The following DPH6 variants were observed in gnomAD, a reference collection of about 807,000 sequenced individuals.
The protein encoded by DPH6 is diphthamine biosynthesis 6.
A neutral mutation model predicts 38.2 loss-of-function variants in DPH6; 33 were observed. The observed-to-expected ratio is 0.86, with a 90% confidence interval of 0.65 to 1.15. DPH6 has a LOEUF of 1.15. DPH6 is among the 50% of genes most tolerant of loss of function. The pLI is 0.00. For missense variants in DPH6, 325 were observed against 320.0 expected, an observed-to-expected ratio of 1.02 and a Z score of -0.12; for synonymous variants, 108 against 103.0, an observed-to-expected ratio of 1.05 and a Z score of -0.30.
intron 3 of DPH6, among the ~76,000 whole-genome samples, chr15:35,279,064 A>ATAT (rs1334725926): frequency 0.03 from 3,654 of 122,692 alleles, 41 homozygotes; most frequent in Non-Finnish European, 0.042. Flanking sequence ...AAAAAAAAAA[A>ATAT]AAAAATATAT....
rs573708473 is a variant in DPH6 at position 35,432,372 on chromosome 15, G to A, written c.505+18313C>T. ...CATCATTCACTATCCTCCTGGATAC[G>A]TTTTTTAGATTCACATCTGTAATAG... On this transcript the variant is annotated intron_variant, in intron 5 of 8. Coordinates refer to ENST00000256538, the MANE Select transcript of DPH6 (RefSeq NM_080650.4). Among the ~76,000 whole-genome samples, 9 of 152,208 alleles carry A rather than the reference G, an allele frequency of 5.9e-5. No homozygotes were observed. In the East Asian group the frequency reaches 1.4e-3, roughly 23 times the overall value.
chr15:35,244,263 CT>C (rs2051620365), intron 3 of DPH6, among the ~76,000 whole-genome samples: 1 of 152,188 alleles, frequency 6.6e-6, no homozygotes, highest in Non-Finnish European at 1.5e-5. Flanking sequence ...ATTTTGCCCC[CT>C]TTCCACTTTT....
chr15:35,233,309 C>T (rs1179250244), intron 3 of DPH6, among the ~76,000 whole-genome samples: 1 of 151,944 alleles, frequency 6.6e-6, no homozygotes, highest in African/African-American at 2.4e-5. Flanking sequence ...AACTCTGTAT[C>T]AAAAGTAAAT....
At chr15:35,405,004 T>C (rs976322838) in intron 6 of DPH6, among the ~76,000 whole-genome samples, 11 of 152,146 alleles carry the variant, frequency 7.2e-5, no homozygotes, top group Non-Finnish European at 2.9e-5. Flanking sequence ...TGTATGTTCT[T>C]GGCATCTTTG....
chr15:35,488,673 C>A (rs1350008870), intron 3 of DPH6, among the ~76,000 whole-genome samples: 1 of 151,880 alleles, frequency 6.6e-6, no homozygotes, highest in Non-Finnish European at 1.5e-5. Flanking sequence ...GGGACAGAGA[C>A]AAACCATATC....
intron 3 of DPH6, among the ~76,000 whole-genome samples, chr15:35,483,721 C>T (rs925111953): frequency 1.3e-5 from 2 of 152,140 alleles, no homozygotes; most frequent in African/African-American, 2.4e-5. Flanking sequence ...AAACACATGT[C>T]CACATAACTT....
chr15:35,488,153 AT>A (rs1256467491), intron 3 of DPH6, among the ~76,000 whole-genome samples: 2 of 152,094 alleles, frequency 1.3e-5, no homozygotes, highest in African/African-American at 4.8e-5. Flanking sequence ...TCATATAAGC[AT>A]TTTGATCAAA....
chr15:35,148,377 T>G, the DPH6 span, among the ~76,000 whole-genome samples: 1 of 152,232 alleles, frequency 6.6e-6, no homozygotes, highest in Non-Finnish European at 1.5e-5. Context: ...TAATGTCTTT[T>G]GTAGAATGTG....
At chr15:35,165,491 C>T in the DPH6 span, among the ~76,000 whole-genome samples, 1 of 151,694 alleles carries the variant, frequency 6.6e-6, no homozygotes, top group Non-Finnish European at 1.5e-5. Flanking sequence ...TTTACATTTC[C>T]AAATTCCATA....
At chr15:35,441,822 G>A (rs1400621268) in intron 5 of DPH6, among the ~76,000 whole-genome samples, 3 of 151,488 alleles carry the variant, frequency 2.0e-5, no homozygotes, top group South Asian at 4.2e-4. Context: ...AAAAAATGAT[G>A]AGCTCATATA....
chr15:35,390,837 C>T (rs567423619), intron 6 of DPH6, among the ~76,000 whole-genome samples: 7 of 152,354 alleles, frequency 4.6e-5, no homozygotes, highest in Non-Finnish European at 8.8e-5. Context: ...CTTCCTCTCT[C>T]AACTCGTCAA....
intron 3 of DPH6, among the ~76,000 whole-genome samples, chr15:35,485,498 G>A (rs1043225524): frequency 4.6e-5 from 7 of 152,156 alleles, no homozygotes; most frequent in Admixed American, 1.3e-4. Flanking sequence ...CTTCTGATAT[G>A]AGCAATCTTT....
intron 5 of DPH6, among the ~76,000 whole-genome samples, chr15:35,447,185 A>C (rs1470260072): frequency 2.0e-5 from 3 of 152,122 alleles, no homozygotes; most frequent in Admixed American, 1.3e-4. Flanking sequence ...ATACATCACC[A>C]ATTTCCCTTC....
intron 3 of DPH6, among the ~76,000 whole-genome samples, chr15:35,254,332 A>G (rs921769059): frequency 1.3e-5 from 2 of 152,240 alleles, no homozygotes; most frequent in Non-Finnish European, 2.9e-5. Context: ...ATTTGCATTA[A>G]CTTCATAAAC....
chr15:35,201,618 A>G, the DPH6 span, among the ~76,000 whole-genome samples: 1 of 151,766 alleles, frequency 6.6e-6, no homozygotes, highest in Non-Finnish European at 1.5e-5. Flanking sequence ...GTCTTTTTGC[A>G]TGTTGCTCAA....
At chr15:35,346,507 C>G (rs1424428220) in intron 3 of DPH6, among the ~76,000 whole-genome samples, 1 of 151,912 alleles carries the variant, frequency 6.6e-6, no homozygotes, top group Non-Finnish European at 1.5e-5. Context: ...TTATTTTTAC[C>G]TCCTCTCTTT....
intron 3 of DPH6, among the ~76,000 whole-genome samples, chr15:35,537,815 C>A (rs1168124622): frequency 6.6e-6 from 1 of 152,106 alleles, no homozygotes; most frequent in African/African-American, 2.4e-5. Context: ...TTACTCTTCA[C>A]TATCAAGCAT....
chr15:35,521,972 C>T, intron 3 of DPH6: 1 of 1,450,308 alleles, frequency 6.9e-7, no homozygotes, highest in Non-Finnish European at 9.1e-7. Context: ...TAGGTAAGTA[C>T]TAAACTAAGC....
chr15:35,257,219 G>C (rs563155169), intron 3 of DPH6, among the ~76,000 whole-genome samples: 6 of 152,168 alleles, frequency 3.9e-5, no homozygotes, highest in Non-Finnish European at 8.8e-5. Flanking sequence ...CTAGTTTTTT[G>C]TGTTTATGTA....
Sources: gnomAD v4.1 joint callset for allele counts (sites outside exome capture counted in the v4.1 genomes callset) on GRCh38, gnomAD v4.1.1 for gene constraint, MANE v1.5 for transcripts, NCBI Gene and HGNC (gene_info 2026-07-23, HGNC 2026-07-21) for gene names.